Variants in AP3B2 observed in about 807,000 individuals in gnomAD.
AP3B2 encodes the protein AP-3 complex subunit beta-2.
AP3B2 carries 50 observed loss-of-function variants against 126.9 expected under a neutral mutation model. That is an observed-to-expected ratio of 0.39 (90% CI 0.31 to 0.50). The LOEUF (loss-of-function observed/expected upper bound fraction) is 0.50, where lower values mean the gene tolerates loss of function less well. Ranked by LOEUF, AP3B2 falls within the 20% of genes least tolerant of loss-of-function variation. The pLI is 0.79. For missense variants in AP3B2, 1,177 were observed against 1,426.4 expected, an observed-to-expected ratio of 0.83 and a Z score of 2.82; for synonymous variants, 541 against 565.0, an observed-to-expected ratio of 0.96 and a Z score of 0.60.
Position 82,692,455 on chromosome 15 carries a change from T to C in AP3B2, c.114-3002A>G, listed in dbSNP as rs550193268. On this transcript the variant is annotated intron_variant, in intron 1 of 26. Transcript: ENST00000535359. ...ACTGCACTGTGGGAACGAGAAGCAA[T>C]TGTGGTACTTTTGATACAGGAGTGT... 8.9e-4 allele frequency: 289 copies of C among 324,960 alleles called. 1 individual carries two copies. The highest frequency in any genetic ancestry group is 1.5e-3 in the South Asian group (33 of 21,638). The allele number at this position is 324,960 out of a possible 1,614,324, so 20.1% of individuals were successfully genotyped here. A position where few individuals can be genotyped will look rare whatever the true frequency, so the allele number is the denominator to read the frequency against.
At chr15:82,660,513 G>C (rs1286860322) in intron 25 of AP3B2, among the ~76,000 whole-genome samples, 1 of 152,066 alleles carries the variant, frequency 6.6e-6, no homozygotes, top group Non-Finnish European at 1.5e-5. Context: ...CCTAGCCAGG[G>C]CTCCTGAAGC....
intron 1 of AP3B2, chr15:82,699,346 G>C (rs1162220422): frequency 7.6e-6 from 2 of 262,788 alleles, no homozygotes; most frequent in Non-Finnish European, 7.1e-6. Context: ...TCCAGTGGGG[G>C]CCTGTGGGGA....
intron 1 of AP3B2, among the ~76,000 whole-genome samples, chr15:82,694,028 A>C (rs2048592909): frequency 6.9e-6 from 1 of 144,144 alleles, no homozygotes. Flanking sequence ...GTTTGAGACG[A>C]AGTCTCGCTC....
At position 82,709,557 on chromosome 15, in the gene AP3B2, C is replaced by G. The variant is rs765326415; in HGVS notation, c.113+37G>C. ...CGCGCGCCTCGCCCGGTCCCCGGCCCCAACCCTCCCGCGAGCTTCCTGGCG... is the reference window on the plus strand; with the variant it reads ...CGCGCGCCTCGCCCGGTCCCCGGCCGCAACCCTCCCGCGAGCTTCCTGGCG... On this transcript the variant is annotated intron_variant, in intron 1 of 26. Coordinates refer to ENST00000535359, the MANE Select transcript of AP3B2 (RefSeq NM_001278512.2). The G allele has an allele frequency of 2.1e-6, 3 of 1,455,778 alleles. No individual in the cohort carries two copies. The South Asian group carries it at 3.9e-5, about 19-fold the overall frequency. 90.2% of individuals were successfully genotyped at this position (1,455,778 alleles called of 1,614,324 possible).
intron 14 of AP3B2, among the ~76,000 whole-genome samples, chr15:82,675,347 A>C (rs1160124127): frequency 6.6e-6 from 1 of 152,196 alleles, no homozygotes; most frequent in Non-Finnish European, 1.5e-5. Flanking sequence ...TTGACTCCTG[A>C]TTACAGTCAC....
intron 1 of AP3B2, 119 bp from the exon 2 acceptor site, chr15:82,689,572 G>T (rs2048489075): frequency 6.9e-6 from 6 of 866,274 alleles, no homozygotes; most frequent in South Asian, 4.7e-5. Context: ...GACCTGACCC[G>T]AGGAGGGACC....
intron 1 of AP3B2, among the ~76,000 whole-genome samples, chr15:82,695,774 C>G (rs2048621353): frequency 6.6e-6 from 1 of 152,140 alleles, no homozygotes; most frequent in Non-Finnish European, 1.5e-5. Flanking sequence ...GCCAGTTGGT[C>G]AGAAGTATAG....
chr15:82,665,100 G>T lies in AP3B2; in HGVS notation c.2028+147C>A. On this transcript the variant is annotated intron_variant, in intron 17 of 26. Coordinates refer to ENST00000535359, the MANE Select transcript of AP3B2 (RefSeq NM_001278512.2). The surrounding 1 kb of genome is among the most constrained non-coding windows in gnomAD (Gnocchi z 4.4). ...GGAGGAAGAAAGGGGCACTGTCCAT[G>T]GAGGGGAGGGAATGCTGCTCACAGA... is the stretch of plus-strand genomic sequence containing the variant. 2 of 1,043,080 alleles carry T rather than the reference G, an allele frequency of 1.9e-6. No individual in the cohort carries two copies. Among genetic ancestry groups the T allele is most frequent in the Non-Finnish European group, 1.4e-6 (1 of 707,550 alleles). 64.6% of individuals were successfully genotyped at this position (1,043,080 alleles called of 1,614,324 possible).
chr15:82,689,127 GA>G, intron 3 of AP3B2, 30 bp downstream of exon 3: 1 of 1,611,830 alleles, frequency 6.2e-7, no homozygotes, highest in Non-Finnish European at 8.5e-7. Flanking sequence ...GGGAGGTGGG[GA>G]CAAGCAATCC....
At chr15:82,670,118 G>C (rs1444823293) in intron 14 of AP3B2, among the ~76,000 whole-genome samples, 10 of 136,330 alleles carry the variant, frequency 7.3e-5, no homozygotes, top group East Asian at 4.1e-4. Flanking sequence ...TTTTTGGCGG[G>C]GGGGGACGAA....
At position 82,663,807 on chromosome 15, in the gene AP3B2, C is replaced by T. The variant is rs1450305273; in HGVS notation, c.2430G>A (p.Arg810=). The change falls in exon 20 of 27, where the codon AGG becomes AGA. Residue 810 remains arginine, a synonymous_variant. Transcript: ENST00000535359. The stretch of plus-strand genomic sequence containing the variant: ...TCTGCCCCAAGGCTCTCACTGTTTT[C>T]CTGCTCCAGGAGGCAGGTTCTAACT... ...EEQLEPASWS[R]KTPPSSKSAP... 4 of 1,612,532 alleles carry T rather than the reference C, an allele frequency of 2.5e-6. No individual in the cohort carries two copies. The highest frequency in any genetic ancestry group is 3.4e-6 in the Non-Finnish European group (4 of 1,179,068).
intron 1 of AP3B2, among the ~76,000 whole-genome samples, chr15:82,704,530 T>A (rs2048767261): frequency 6.6e-6 from 1 of 152,238 alleles, no homozygotes; most frequent in Non-Finnish European, 1.5e-5. Context: ...TTGCTTCAAG[T>A]GCCAGAAATC....
Position 82,680,267 on chromosome 15 carries a change from G to A in AP3B2, c.1056-38C>T, listed in dbSNP as rs773109004. 15 of 1,612,838 alleles carry A rather than the reference G, an allele frequency of 9.3e-6. No homozygotes were observed. Among genetic ancestry groups the A allele is most frequent in the Non-Finnish European group, 1.3e-5 (15 of 1,179,468 alleles). On this transcript the variant is annotated intron_variant, in intron 8 of 26. Transcript: ENST00000535359. The surrounding 1 kb of genome is among the most constrained non-coding windows in gnomAD (Gnocchi z 6.1). ...CGGGTCAGAGCACCCCGGGCCCCTC[G>A]GTTGGGGCAAGGGTCAGCGGATGAG...
rs75924710 is a variant in AP3B2, at chr15:82,698,127, T to C, written c.114-8674A>G. The C allele has an allele frequency of 5.6e-3, 853 of 152,342 alleles. 15 individuals are homozygous for C. The highest frequency in any genetic ancestry group is 0.014 in the Middle Eastern group (4 of 294). 9.4% of individuals were successfully genotyped at this position (152,342 alleles called of 1,614,324 possible). On this transcript the variant is annotated intron_variant, in intron 1 of 26. Coordinates refer to ENST00000535359, the MANE Select transcript of AP3B2 (RefSeq NM_001278512.2). ...TCAGACACTCCCATGTCCCCCGACA[T>C]ACCTACACCTCACGGACAGCTCATA... is the stretch of plus-strand genomic sequence containing the variant.
chr15:82,689,816 A>C (rs2048493792), intron 1 of AP3B2: 1 of 232,446 alleles, frequency 4.3e-6, no homozygotes, highest in Non-Finnish European at 8.5e-6. Flanking sequence ...GAAGACAGCC[A>C]TGTGGGCTGG....
intron 1 of AP3B2, chr15:82,692,212 G>A: frequency 1.6e-6 from 2 of 1,261,584 alleles, no homozygotes; most frequent in East Asian, 2.4e-5. Flanking sequence ...TCCTCAAAGC[G>A]CACCAAGGCG....
chr15:82,668,310 C>A (rs2048092574), intron 14 of AP3B2, among the ~76,000 whole-genome samples: 1 of 152,234 alleles, frequency 6.6e-6, no homozygotes, highest in Admixed American at 6.5e-5. Flanking sequence ...ATCCCATGCA[C>A]CGCTAATAGA....
chr15:82,663,650 G>C (rs1384900284), intron 20 of AP3B2, 30 bp from the exon 21 acceptor site: 3 of 1,613,588 alleles, frequency 1.9e-6, no homozygotes, highest in Non-Finnish European at 1.7e-6. Flanking sequence ...TGTGGGTGTG[G>C]GGAAGGGGAG....
At chr15:82,685,882 A>C (rs2048418166) in intron 4 of AP3B2, 1 of 152,164 alleles carries the variant, frequency 6.6e-6, no homozygotes, top group Admixed American at 6.6e-5. Context: ...AACCCTTTGC[A>C]CATGAAAGGT....
Sources: gnomAD v4.1 joint callset for allele counts (sites outside exome capture counted in the v4.1 genomes callset) on GRCh38, gnomAD v4.1.1 for gene constraint, Gnocchi (gnomAD v3.1) non-coding constraint, MANE v1.5 for transcripts, NCBI Gene and HGNC (gene_info 2026-07-23, HGNC 2026-07-21) for gene names.